Variants in PRDM5 observed in about 807,000 individuals in gnomAD.
PRDM5 encodes the protein PR domain zinc finger protein 5.
In PRDM5, 56 loss-of-function variants were observed where a neutral mutation model predicts 81.2. That is an observed-to-expected ratio of 0.69 (90% CI 0.56 to 0.86). PRDM5 has a LOEUF of 0.86. PRDM5 is among the 40% of genes least tolerant of loss of function. The pLI, the probability that PRDM5 is intolerant of heterozygous loss-of-function variation, is 0.00. For missense variants in PRDM5, 697 were observed against 770.1 expected, an observed-to-expected ratio of 0.91 and a Z score of 1.12; for synonymous variants, 267 against 256.4, an observed-to-expected ratio of 1.04 and a Z score of -0.39.
chr4:120,856,983 T>C (rs1268077528), intron 2 of PRDM5, among the ~76,000 whole-genome samples: 29 of 152,198 alleles, frequency 1.9e-4, no homozygotes, highest in Non-Finnish European at 2.9e-5. Flanking sequence ...AGTCTCATCG[T>C]GTAGTAAAAA....
At position 120,694,423 on chromosome 4, in the gene PRDM5, T is replaced by A. The variant is rs1172952958; in HGVS notation, c.*688A>T. The A allele has an allele frequency of 6.6e-6, 1 of 152,174 alleles. No homozygotes were observed. The highest frequency in any genetic ancestry group is 1.5e-5 in the Non-Finnish European group (1 of 68,040). 9.4% of individuals were successfully genotyped at this position (152,174 alleles called of 1,614,324 possible). On this transcript the variant is annotated 3_prime_UTR_variant, in exon 16 of 16. Coordinates refer to ENST00000264808, the MANE Select transcript of PRDM5 (RefSeq NM_018699.4). Reference sequence around the variant, plus strand: ...ATTCCAGACCATGAATGTCTGCATCTGAATGATGAGAATAAATAATGTTTC... The same window carrying A: ...ATTCCAGACCATGAATGTCTGCATCAGAATGATGAGAATAAATAATGTTTC...
chr4:120,771,100 A>G (rs1244908157), intron 13 of PRDM5, among the ~76,000 whole-genome samples: 1 of 152,132 alleles, frequency 6.6e-6, no homozygotes, highest in Non-Finnish European at 1.5e-5. Flanking sequence ...TTATGGATAT[A>G]CCATGAATTA....
intron 12 of PRDM5, 147 bp downstream of exon 12, chr4:120,780,996 T>A: frequency 1.3e-6 from 1 of 757,656 alleles, no homozygotes; most frequent in Non-Finnish European, 2.1e-6. Flanking sequence ...GTGAACATTG[T>A]CTGAAGAGCT....
chr4:120,780,048 G>C (rs1260748776), intron 12 of PRDM5, among the ~76,000 whole-genome samples: 1 of 151,798 alleles, frequency 6.6e-6, no homozygotes, highest in Non-Finnish European at 1.5e-5. Flanking sequence ...TTTTGAAACA[G>C]TTGTATTAAG....
intron 13 of PRDM5, among the ~76,000 whole-genome samples, chr4:120,769,652 A>G (rs1050013030): frequency 1.3e-5 from 2 of 152,336 alleles, no homozygotes; most frequent in African/African-American, 4.8e-5. Context: ...AATACTTTCC[A>G]ATGCATTTCA....
chr4:120,922,534 C>G lies in PRDM5; in HGVS notation c.75G>C (p.Thr25=), dbSNP rs1179995272. The G allele has an allele frequency of 1.2e-6, 2 of 1,607,692 alleles. No homozygotes were observed. The highest frequency in any genetic ancestry group is 1.1e-5 in the South Asian group (1 of 90,322). The part of the protein sequence containing the change: ...SRVQDGMGLY[T]ARRVRKGEKF... ...CACCCACCTTTCGCACTCTGCGGGC[C>G]GTGTAGAGCCCCATGCCGTCCTGAA... Residue 25 remains threonine, a synonymous_variant, in exon 1 of 16, where the codon ACG becomes ACC. Coordinates refer to ENST00000264808, the MANE Select transcript of PRDM5 (RefSeq NM_018699.4).
chr4:120,821,267 C>A lies in PRDM5; in HGVS notation c.379G>T (p.Asp127Tyr). 1.9e-6 allele frequency: 3 copies of A among 1,613,998 alleles called. No homozygotes were observed. Among genetic ancestry groups the A allele is most frequent in the Non-Finnish European group, 2.5e-6 (3 of 1,179,928 alleles). ...TGTTCTTCCTCCTCAGCCTCCATGT[C>A]ACTATCCAGGTAGCCAATCAGAAGC... ...TELLIGYLDS[D>Y]MEAEEEEQQI... The change falls in exon 4 of 16, where the codon GAC (aspartate) becomes TAC (tyrosine). Residue 127 changes from aspartate (D) to tyrosine (Y), a missense_variant. Physicochemically the swap from Asp to Tyr is radical, Grantham distance 160 (BLOSUM62 -3). Coordinates refer to ENST00000264808, the MANE Select transcript of PRDM5 (RefSeq NM_018699.4).
intron 5 of PRDM5, among the ~76,000 whole-genome samples, chr4:120,817,990 C>T (rs567904416): frequency 4.9e-4 from 74 of 152,210 alleles, no homozygotes; most frequent in African/African-American, 1.7e-3. Context: ...GAATATAAAA[C>T]GTAGACAACT....
At chr4:120,867,844 G>C (rs1264388355) in intron 2 of PRDM5, among the ~76,000 whole-genome samples, 3 of 152,200 alleles carry the variant, frequency 2.0e-5, no homozygotes, top group African/African-American at 7.2e-5. Context: ...ACAAAAGTGA[G>C]AAAAACTTGG....
chr4:120,863,353 C>T (rs1357091356), intron 2 of PRDM5, among the ~76,000 whole-genome samples: 1 of 151,546 alleles, frequency 6.6e-6, no homozygotes, highest in Non-Finnish European at 1.5e-5. Flanking sequence ...CTGTACACAC[C>T]TACTACGTAC....
chr4:120,710,715 A>ACTTTG (rs1736837246), intron 14 of PRDM5, among the ~76,000 whole-genome samples: 1 of 152,096 alleles, frequency 6.6e-6, no homozygotes. Context: ...GGCTTTTCCC[A>ACTTTG]CTTTGCTCCA....
chr4:120,838,613 A>C (rs963784332), intron 3 of PRDM5: 5 of 152,230 alleles, frequency 3.3e-5, no homozygotes, highest in Admixed American at 2.6e-4. Context: ...AAACTGTTCC[A>C]CCTCAGATCA....
intron 2 of PRDM5, among the ~76,000 whole-genome samples, chr4:120,860,267 T>A (rs921942513): frequency 6.6e-6 from 1 of 152,258 alleles, no homozygotes; most frequent in Non-Finnish European, 1.5e-5. Context: ...GTGTGTCTTT[T>A]CTTTAACTCT....
At chr4:120,858,591 G>A (rs1211765420) in intron 2 of PRDM5, among the ~76,000 whole-genome samples, 9 of 150,434 alleles carry the variant, frequency 6.0e-5, no homozygotes, top group African/African-American at 2.2e-4. Flanking sequence ...GCGCACGCAC[G>A]CACACACACA....
intron 8 of PRDM5, among the ~76,000 whole-genome samples, chr4:120,800,130 T>TAA (rs953209149): frequency 1.3e-5 from 2 of 152,190 alleles, no homozygotes; most frequent in African/African-American, 4.8e-5. Context: ...AACAATATTT[T>TAA]AAACTTAAAT....
chr4:120,897,783 A>C (rs1025322743), intron 2 of PRDM5, among the ~76,000 whole-genome samples: 1 of 152,134 alleles, frequency 6.6e-6, no homozygotes, highest in Admixed American at 6.5e-5. Context: ...AAATGTATAA[A>C]TTTGCCATTT....
intron 8 of PRDM5, among the ~76,000 whole-genome samples, chr4:120,803,527 C>T (rs1306576201): frequency 6.6e-6 from 1 of 152,120 alleles, no homozygotes; most frequent in Non-Finnish European, 1.5e-5. Context: ...ACTCCACAAG[C>T]CAGAAGAGAG....
chr4:120,684,403 T>G (rs531129989), downstream of PRDM5, among the ~76,000 whole-genome samples: 1 of 152,116 alleles, frequency 6.6e-6, no homozygotes, highest in Non-Finnish European at 1.5e-5. Context: ...CTAATTTGAT[T>G]AAGAAAACAA....
At chr4:120,809,673 A>G (rs967855382) in intron 8 of PRDM5, among the ~76,000 whole-genome samples, 1 of 152,238 alleles carries the variant, frequency 6.6e-6, no homozygotes, top group African/African-American at 2.4e-5. Context: ...TGGCATTGTC[A>G]TATAGCATCA....
Sources: gnomAD v4.1 joint callset for allele counts (sites outside exome capture counted in the v4.1 genomes callset) on GRCh38, gnomAD v4.1.1 for gene constraint, MANE v1.5 for transcripts, NCBI Gene and HGNC (gene_info 2026-07-23, HGNC 2026-07-21) for gene names.